ZEB1: variants seen among roughly 807,000 people sequenced by gnomAD.
The protein encoded by ZEB1 is zinc finger E-box-binding homeobox 1.
Under a neutral mutation model 84.9 loss-of-function variants are expected in ZEB1, and 21 were observed. The ratio of observed to expected loss-of-function variants is 0.25; its 90% CI spans 0.18 to 0.36. The LOEUF (loss-of-function observed/expected upper bound fraction) is 0.36. Ranked by LOEUF, ZEB1 falls within the 10% of genes least tolerant of loss-of-function variation. The pLI is 1.00. For missense variants in ZEB1, 1,104 were observed against 1,330.2 expected, an observed-to-expected ratio of 0.83 and a Z score of 2.65; for synonymous variants, 420 against 471.1, an observed-to-expected ratio of 0.89 and a Z score of 1.41.
In ZEB1 at chr10:31,404,205, C is replaced by T. The variant is rs568753018; in HGVS notation, c.59-56832C>T. On this transcript the variant is annotated intron_variant, in intron 1 of 8. Coordinates refer to ENST00000424869, the MANE Select transcript of ZEB1 (RefSeq NM_001174096.2). ...TCCTTGCTTCTCTGATTGCTGTGTA[C>T]CCTTTTCTGCAGCCGTTTTTTTTTT... is the stretch of plus-strand genomic sequence containing the variant. Among the ~76,000 whole-genome samples the T allele has an allele frequency of 1.5e-4, 23 of 150,944 alleles. No individual in the cohort carries two copies. The South Asian group carries it at 4.6e-3, about 30-fold the overall frequency.
rs3086581 is a variant in ZEB1 at position 31,459,830 on chromosome 10, A to AGTGTGT, written c.59-1160_59-1155dup. On this transcript the variant is annotated intron_variant, in intron 1 of 8. Transcript: ENST00000424869. ...GTATTTCTTCCTTCGTGTTCTCAGG[A>AGTGTGT]GTGTGTGTGTGTGTGTGTGTGTGTG... Among the ~76,000 whole-genome samples the AGTGTGT allele has an allele frequency of 2.5e-3, 326 of 129,894 alleles. 2 individuals carry two copies. Among genetic ancestry groups the AGTGTGT allele is most frequent in the East Asian group, 6.2e-3 (28 of 4,486 alleles). The allele number at this position is 129,894 out of a possible 152,430, so 85.2% of individuals were successfully genotyped here.
intron 4 of ZEB1, among the ~76,000 whole-genome samples, chr10:31,509,952 T>C (rs2069676274): frequency 6.6e-6 from 1 of 152,200 alleles, no homozygotes; most frequent in South Asian, 2.1e-4. Flanking sequence ...CTAAAAGCTA[T>C]ATATATTCAT....
intron 2 of ZEB1, among the ~76,000 whole-genome samples, chr10:31,476,565 A>G (rs2064225353): frequency 6.6e-6 from 1 of 152,040 alleles, no homozygotes; most frequent in African/African-American, 2.4e-5. Context: ...TCTTACAGAA[A>G]CTATTCCAAA....
At chr10:31,375,383 T>C (rs537154668) in intron 1 of ZEB1, among the ~76,000 whole-genome samples, 27 of 151,900 alleles carry the variant, frequency 1.8e-4, no homozygotes, top group Middle Eastern at 3.4e-3. Context: ...GTACATGATA[T>C]TCATTTTTCT....
At chr10:31,517,345 T>C (rs2071341012) in intron 6 of ZEB1, among the ~76,000 whole-genome samples, 1 of 152,012 alleles carries the variant, frequency 6.6e-6, no homozygotes, top group Non-Finnish European at 1.5e-5. Flanking sequence ...TGAGCTATCA[T>C]GAGGAAAAGG....
At chr10:31,433,001 G>A (rs2136289899) in intron 1 of ZEB1, among the ~76,000 whole-genome samples, 1 of 151,944 alleles carries the variant, frequency 6.6e-6, no homozygotes, top group East Asian at 1.9e-4. Flanking sequence ...GTTGGAATTA[G>A]CCTTTTTAGA....
chr10:31,361,720 C>T (rs992654562), intron 1 of ZEB1, among the ~76,000 whole-genome samples: 10 of 143,158 alleles, frequency 7.0e-5, no homozygotes, highest in Non-Finnish European at 1.2e-4. Context: ...CCAGATGGGA[C>T]GGTGGCCGGG....
chr10:31,485,039 A>G (rs907542210), intron 2 of ZEB1, among the ~76,000 whole-genome samples: 1 of 151,864 alleles, frequency 6.6e-6, no homozygotes, highest in Admixed American at 6.6e-5. Context: ...TGGCTGATGG[A>G]TCCTCAAATA....
intron 1 of ZEB1, among the ~76,000 whole-genome samples, chr10:31,441,983 T>C (rs1327318700): frequency 6.6e-6 from 1 of 152,190 alleles, no homozygotes; most frequent in Admixed American, 6.5e-5. Context: ...GTTCAACCAT[T>C]GTGGAAGACA....
Position 31,484,561 on chromosome 10 carries a change from CTG to C in ZEB1, c.260-11213_260-11212del, listed in dbSNP as rs1470622397. ...GTAATTTCAACCAGGCGGTCTGAGTCTGTAAACTATGCCATTAACTTCCGTAC... is the reference window on the plus strand; with the variant it reads ...GTAATTTCAACCAGGCGGTCTGAGTCTAAACTATGCCATTAACTTCCGTAC... On this transcript the variant is annotated intron_variant, in intron 2 of 8. Transcript: ENST00000424869. Among the ~76,000 whole-genome samples the C allele has an allele frequency of 4.6e-5, 7 of 152,112 alleles. No individual in the cohort carries two copies. In the East Asian group the frequency reaches 1.4e-3, roughly 30 times the overall value.
At position 31,395,018 on chromosome 10, in the gene ZEB1, A is replaced by G. The variant is rs147423399; in HGVS notation, c.59-66019A>G. ...ATGGCAGTGCCCTTCATTAAGTCCA[A>G]ATACTGGAGAGGAAGTGGGTTGTTG... On this transcript the variant is annotated intron_variant, in intron 1 of 8. Coordinates refer to ENST00000424869, the MANE Select transcript of ZEB1 (RefSeq NM_001174096.2). Among the ~76,000 whole-genome samples, 119 of 152,262 alleles carry G rather than the reference A, an allele frequency of 7.8e-4. 1 individual carries two copies. The East Asian group carries it at 8.9e-3, about 11-fold the overall frequency.
chr10:31,509,987 T>C (rs1388819509), intron 4 of ZEB1, among the ~76,000 whole-genome samples: 1 of 152,172 alleles, frequency 6.6e-6, no homozygotes, highest in African/African-American at 2.4e-5. Flanking sequence ...ATAGCAGATT[T>C]GCCAGTGTAT....
chr10:31,373,557 T>G (rs10826945), intron 1 of ZEB1, among the ~76,000 whole-genome samples: 2 of 151,964 alleles, frequency 1.3e-5, no homozygotes, highest in South Asian at 4.2e-4. Flanking sequence ...TCATAAGTGC[T>G]TCTTAAAATA....
intron 2 of ZEB1, among the ~76,000 whole-genome samples, chr10:31,479,115 T>C (rs2064703120): frequency 6.6e-6 from 1 of 151,686 alleles, no homozygotes; most frequent in Non-Finnish European, 1.5e-5. Context: ...TTATGAACAG[T>C]TATACACTAA....
chr10:31,392,399 G>T (rs1409918026), intron 1 of ZEB1, among the ~76,000 whole-genome samples: 1 of 152,070 alleles, frequency 6.6e-6, no homozygotes. Context: ...GCATTATTGG[G>T]ACAGTTTTAG....
intron 4 of ZEB1, among the ~76,000 whole-genome samples, chr10:31,505,490 C>G (rs974259422): frequency 1.3e-5 from 2 of 151,960 alleles, no homozygotes; most frequent in Admixed American, 6.6e-5. Flanking sequence ...CTATTTCTTT[C>G]TAATTTAATC....
intron 1 of ZEB1, among the ~76,000 whole-genome samples, chr10:31,415,512 T>C (rs1456941158): frequency 1.3e-5 from 2 of 151,802 alleles, no homozygotes; most frequent in African/African-American, 2.4e-5. Flanking sequence ...GATTCTTCTA[T>C]ACTTTTAAAA....
intron 1 of ZEB1, among the ~76,000 whole-genome samples, chr10:31,408,358 T>G (rs1374111413): frequency 1.3e-5 from 2 of 151,614 alleles, no homozygotes; most frequent in African/African-American, 4.9e-5. Context: ...CCCATCAAGC[T>G]ACCAATGACT....
At chr10:31,349,154 A>T (rs1212304999) in intron 1 of ZEB1, among the ~76,000 whole-genome samples, 1 of 152,194 alleles carries the variant, frequency 6.6e-6, no homozygotes, top group African/African-American at 2.4e-5. Flanking sequence ...TTCCACGTAT[A>T]AGTGAGATCA....
Sources: gnomAD v4.1 joint callset for allele counts (sites outside exome capture counted in the v4.1 genomes callset) on GRCh38, gnomAD v4.1.1 for gene constraint, MANE v1.5 for transcripts, NCBI Gene and HGNC (gene_info 2026-07-23, HGNC 2026-07-21) for gene names.